ZZEF1: variants seen among roughly 807,000 people sequenced by gnomAD.
The protein encoded by ZZEF1 is zinc finger ZZ-type and EF-hand domain containing 1, also known as zinc finger ZZ-type and EF-hand domain-containing protein 1.
ZZEF1 carries 157 observed loss-of-function variants against 342.8 expected under a neutral mutation model. The observed-to-expected ratio is 0.46, with a 90% CI of 0.40 to 0.52. The LOEUF (loss-of-function observed/expected upper bound fraction) is 0.52. Ranked by LOEUF, ZZEF1 falls within the 20% of genes least tolerant of loss-of-function variation. The pLI is 0.00. For missense variants in ZZEF1, 3,480 were observed against 3,725.6 expected (o/e 0.93, Z 1.72); for synonymous variants, 1,505 against 1,429.1 (o/e 1.05, Z -1.20).
chr17:4,045,970 G>A (rs994731696), intron 37 of ZZEF1, among the ~76,000 whole-genome samples: 2 of 151,950 alleles, frequency 1.3e-5, no homozygotes, highest in African/African-American at 2.4e-5. Flanking sequence ...TGGGACTACA[G>A]GTGTCCGCCA....
intron 38 of ZZEF1, among the ~76,000 whole-genome samples, 197 bp from the exon 39 acceptor site, chr17:4,042,765 T>C (rs2056829493): frequency 6.6e-6 from 1 of 152,204 alleles, no homozygotes; most frequent in South Asian, 2.1e-4. Flanking sequence ...CACTGCAACC[T>C]CCACCTCCCG....
Position 4,013,460 on chromosome 17 carries a change from G to C in ZZEF1, c.8568C>G (p.Cys2856Trp). ...AIHLLLRIVR[C>W]CGHSDLCDLA... ...GGGACACCGCTTACCTGTGGCCGCA[G>C]CATCGCACAATCCTCAGAAGTAAGT... The change falls in exon 52 of 55, where the codon TGC becomes TGG. Residue 2856 changes from cysteine to tryptophan, a missense_variant. This residue lies in a region of ZZEF1 where 1,269 missense variants were observed against 1,342.4 expected (regional missense o/e 0.95). Transcript: ENST00000381638. The C allele has an allele frequency of 6.2e-7, 1 of 1,609,746 alleles. No homozygotes were observed. The highest frequency in any genetic ancestry group is 8.5e-7 in the Non-Finnish European group (1 of 1,177,470).
chr17:4,022,390 G>T, intron 44 of ZZEF1: 1 of 224,764 alleles, frequency 4.4e-6, no homozygotes, highest in East Asian at 1.0e-4. Flanking sequence ...ACTGATTTTG[G>T]CTGAAAGCAA....
chr17:4,054,253 C>A, intron 33 of ZZEF1, 58 bp from the exon 34 acceptor site: 1 of 1,556,304 alleles, frequency 6.4e-7, no homozygotes, highest in Non-Finnish European at 8.8e-7. Flanking sequence ...CCACAATTCA[C>A]TAATCAATTC....
chr17:4,063,062 A>G, intron 29 of ZZEF1, 145 bp from the exon 30 acceptor site: 1 of 751,620 alleles, frequency 1.3e-6, no homozygotes, highest in East Asian at 2.8e-5. Context: ...GAGAAGTACC[A>G]ATACCTCTTT....
In ZZEF1 at chr17:4,074,340, G is replaced by T; in HGVS notation, c.3495C>A (p.Phe1165Leu). 2 of 1,614,166 alleles carry T rather than the reference G, an allele frequency of 1.2e-6. No individual in the cohort carries two copies. The highest frequency in any genetic ancestry group is 1.1e-5 in the South Asian group (1 of 91,074). ...GGAACTGCAACCGAGGACCGGCCTT[G>T]AAGGTCACTTTCTAGAGACAAACAG... ...GTDKWPKKVT[F>L]KAGPRLQFLF... The change falls in exon 24 of 55, where the codon TTC becomes TTA. Residue 1165 changes from phenylalanine to leucine, a missense_variant. By Grantham distance (22) the Phe-to-Leu change is conservative (BLOSUM62 0). Coordinates refer to ENST00000381638, the MANE Select transcript of ZZEF1 (RefSeq NM_015113.4).
At chr17:4,076,499 A>G in intron 21 of ZZEF1, 138 bp downstream of exon 21, 1 of 1,140,062 alleles carries the variant, frequency 8.8e-7, no homozygotes, top group East Asian at 2.6e-5. Context: ...CTTGTTGGCA[A>G]GCCCACTGAT....
Position 4,081,399 on chromosome 17 carries a change from G to A in ZZEF1, c.2806C>T (p.Leu936Phe), listed in dbSNP as rs767725309. 1 of 1,613,754 alleles carries A rather than the reference G, an allele frequency of 6.2e-7. No individual in the cohort carries two copies. Among genetic ancestry groups the A allele is most frequent in the East Asian group, 2.2e-5 (1 of 44,882 alleles). Residue 936 changes from leucine (L) to phenylalanine (F), a missense_variant, in exon 18 of 55, where the codon CTC (leucine) becomes TTC (phenylalanine). This residue lies in a region of ZZEF1 where 1,528 missense variants were observed against 1,624.1 expected (regional missense o/e 0.94). Coordinates refer to ENST00000381638, the MANE Select transcript of ZZEF1 (RefSeq NM_015113.4). ...ACCTCTCGAGCAGCAACAGAGACGA[G>A]AGTGTCCATGACCGCCAGGACTTCA... ...ISEVLAVMDT[L>F]VSVAARECEL...
chr17:4,129,142 T>C (rs972800788), intron 1 of ZZEF1, among the ~76,000 whole-genome samples: 2 of 152,194 alleles, frequency 1.3e-5, no homozygotes, highest in South Asian at 2.1e-4. Flanking sequence ...TTAAAGTGTA[T>C]AATTCAGTAG....
chr17:4,012,507 T>C (rs1176738507), intron 52 of ZZEF1, among the ~76,000 whole-genome samples: 4 of 152,186 alleles, frequency 2.6e-5, no homozygotes, highest in Non-Finnish European at 5.9e-5. Flanking sequence ...AGAGGAAGAA[T>C]GAGCTCCTGA....
intron 29 of ZZEF1, 129 bp from the exon 30 acceptor site, chr17:4,063,046 A>T (rs1273963710): frequency 1.1e-6 from 1 of 894,974 alleles, no homozygotes; most frequent in Non-Finnish European, 1.6e-6. Context: ...TAGAAACACC[A>T]TGTAGGAGAA....
At chr17:4,007,864 G>A (rs777089656) in intron 54 of ZZEF1, among the ~76,000 whole-genome samples, 9 of 152,042 alleles carry the variant, frequency 5.9e-5, no homozygotes, top group African/African-American at 1.9e-4. Flanking sequence ...GGGACAGAGC[G>A]CCGCGCTCAG....
rs2055867782 is a variant in ZZEF1 at position 4,008,809 on chromosome 17, C to G, written c.8805+74G>C. On this transcript the variant is annotated intron_variant, in intron 54 of 54. Transcript: ENST00000381638. This position sits in a 1 kb window ranked among gnomAD's most constrained non-coding sequence, Gnocchi z 4.2. ...TCCTACTCAGACGCAATGTACAGAC[C>G]TTCTCTGCCCTGGCAATGGTGAGAT... 6.5e-7 allele frequency: 1 copy of G among 1,531,764 alleles called. No individual in the cohort carries two copies. The highest frequency in any genetic ancestry group is 8.8e-7 in the Non-Finnish European group (1 of 1,141,610). The allele number at this position is 1,531,764 out of a possible 1,614,324, so 94.9% of individuals were successfully genotyped here. A position where few individuals can be genotyped will look rare whatever the true frequency, so the allele number is the denominator to read the frequency against.
At position 4,134,515 on chromosome 17, in the gene ZZEF1, T is replaced by C. The variant is rs572568382; in HGVS notation, c.354+8027A>G. 1.6e-4 allele frequency among the ~76,000 whole-genome samples: 25 copies of C among 151,844 alleles called. No individual in the cohort carries two copies. In the South Asian group the frequency reaches 4.2e-3, roughly 25 times the overall value. ...ACCAACAGCAGCAATGTAATAGGTG[T>C]GACAATTACGATACGAGAACTAAGA... is the stretch of plus-strand genomic sequence containing the variant. On this transcript the variant is annotated intron_variant, in intron 1 of 54. Coordinates refer to ENST00000381638, the MANE Select transcript of ZZEF1 (RefSeq NM_015113.4).
intron 46 of ZZEF1, among the ~76,000 whole-genome samples, chr17:4,018,270 A>C (rs2056169490): frequency 6.6e-6 from 1 of 152,124 alleles, no homozygotes; most frequent in African/African-American, 2.4e-5. Flanking sequence ...CATTTTTAAA[A>C]AAAATTTATT....
Position 4,128,345 on chromosome 17 carries a change from TAAA to T in ZZEF1, c.355-4297_355-4295del, listed in dbSNP as rs74340131. On this transcript the variant is annotated intron_variant, in intron 1 of 54. Transcript: ENST00000381638. ...CCTGGGTGACAGAGCCAGACTGTCT[TAAA>T]AAAAAAAAAAAAAAAAAAAAAGACA... 7.9e-3 allele frequency among the ~76,000 whole-genome samples: 641 copies of T among 81,558 alleles called. 8 individuals are homozygous for T. Among genetic ancestry groups the T allele is most frequent in the African/African-American group, 0.025 (511 of 20,100 alleles). 53.5% of individuals were successfully genotyped at this position (81,558 alleles called of 152,430 possible).
rs776542940 is a variant in ZZEF1 at position 4,085,719 on chromosome 17, A to G, written c.2597T>C (p.Ile866Thr). The G allele has an allele frequency of 1.2e-6, 2 of 1,614,190 alleles. No homozygotes were observed. Among genetic ancestry groups the G allele is most frequent in the South Asian group, 1.1e-5 (1 of 91,076 alleles). ...VRNTLLNGAA[I>T]FFPNRQTRRN... ...TCGGGTCTGTCGATTAGGAAAGAAG[A>G]TGGCAGCCCCATTGAGAAGGGTATT... Residue 866 changes from isoleucine to threonine, a missense_variant, in exon 16 of 55, where the codon ATC becomes ACC. Ile to Thr is a moderately conservative substitution (Grantham distance 89). Around this residue, in one of 5 missense-constraint regions of ZZEF1, gnomAD observed 1,528 missense variants for 1,624.1 expected, o/e 0.94. Coordinates refer to ENST00000381638, the MANE Select transcript of ZZEF1 (RefSeq NM_015113.4).
intron 51 of ZZEF1, 30 bp from the exon 52 acceptor site, chr17:4,013,644 A>T (rs2056025878): frequency 6.3e-7 from 1 of 1,589,132 alleles, no homozygotes; most frequent in African/African-American, 1.4e-5. Context: ...ACGGATATAT[A>T]AACAGAGATA....
chr17:4,031,325 T>TAAATAAATAAAC (rs565155854), intron 42 of ZZEF1, among the ~76,000 whole-genome samples: 3 of 149,968 alleles, frequency 2.0e-5, no homozygotes, highest in African/African-American at 7.4e-5. Flanking sequence ...CAAAAATAAA[T>TAAATAAATAAAC]AAATAAATAA....
Sources: gnomAD v4.1 joint callset for allele counts (sites outside exome capture counted in the v4.1 genomes callset) on GRCh38, gnomAD v4.1.1 for gene constraint, gnomAD v4.1.1 regional missense constraint, Gnocchi (gnomAD v3.1) non-coding constraint, MANE v1.5 for transcripts, NCBI Gene and HGNC (gene_info 2026-07-23, HGNC 2026-07-21) for gene names.